Variants in UBE2N observed in about 807,000 individuals in gnomAD.
UBE2N encodes the protein ubiquitin-conjugating enzyme E2 N.
For synonymous variants in UBE2N, 70 were observed against 69.2 expected (o/e 1.01, Z -0.06); for missense variants, 60 against 192.1 (o/e 0.31, Z 4.07).
rs1245983395 is a variant in UBE2N, at chr12:93,409,090, T to TTA, written c.*947_*948dup. The TTA allele has an allele frequency of 2.6e-5, 4 of 152,614 alleles. No homozygotes were observed. Among genetic ancestry groups the TTA allele is most frequent in the African/African-American group, 9.7e-5 (4 of 41,438 alleles). The allele number at this position is 152,614 out of a possible 1,614,324, so 9.5% of individuals were successfully genotyped here. A position where few individuals can be genotyped will look rare whatever the true frequency, so the allele number is the denominator to read the frequency against. On this transcript the variant is annotated 3_prime_UTR_variant, in exon 4 of 4. Coordinates refer to ENST00000318066, the MANE Select transcript of UBE2N (RefSeq NM_003348.4). ...ATCTAATCAGACAACACAAACACAT[T>TTA]TATTTCAAATTCCTAGAAGGTTAAA...
rs1947862934 is a variant in UBE2N, at chr12:93,411,435, A to G, written c.31-136T>C. 6.3e-6 allele frequency: 8 copies of G among 1,274,066 alleles called. No homozygotes were observed. The Middle Eastern group carries it at 5.9e-4, about 93-fold the overall frequency. The allele number at this position is 1,274,066 out of a possible 1,614,324, so 78.9% of individuals were successfully genotyped here. ...TCTCCCAACAGATTTAGCTTATAAAATGCAAAATTCAAAAAAATACCATTT... is the reference window on the plus strand; with the variant it reads ...TCTCCCAACAGATTTAGCTTATAAAGTGCAAAATTCAAAAAAATACCATTT... On this transcript the variant is annotated intron_variant, in intron 1 of 3. Transcript: ENST00000318066.
intron 1 of UBE2N, among the ~76,000 whole-genome samples, chr12:93,434,417 G>C (rs2121096440): frequency 6.6e-6 from 1 of 152,324 alleles, no homozygotes; most frequent in African/African-American, 2.4e-5. Flanking sequence ...TAAAGTACTT[G>C]ATAATTTGAC....
At chr12:93,420,309 A>T (rs1878369356) in intron 1 of UBE2N, among the ~76,000 whole-genome samples, 1 of 152,116 alleles carries the variant, frequency 6.6e-6, no homozygotes, top group African/African-American at 2.4e-5. Context: ...TCTACATCCT[A>T]ATTTTTTCCC....
chr12:93,431,536 G>A (rs1437540099), intron 1 of UBE2N, among the ~76,000 whole-genome samples: 1 of 152,154 alleles, frequency 6.6e-6, no homozygotes, highest in Non-Finnish European at 1.5e-5. Flanking sequence ...TTAGAATTAA[G>A]TAAATTAATG....
intron 1 of UBE2N, among the ~76,000 whole-genome samples, chr12:93,412,839 T>C (rs1263494352): frequency 6.6e-6 from 1 of 152,238 alleles, no homozygotes; most frequent in East Asian, 1.9e-4. Flanking sequence ...CTTGGACCAG[T>C]ATAAGCATGC....
intron 1 of UBE2N, among the ~76,000 whole-genome samples, chr12:93,424,868 T>C (rs1878531904): frequency 6.6e-6 from 1 of 152,234 alleles, no homozygotes; most frequent in Non-Finnish European, 1.5e-5. Context: ...TGAGCATTCA[T>C]TGTGCTTTCA....
At chr12:93,410,937 T>A in intron 2 of UBE2N, 63 bp from the exon 3 acceptor site, 1 of 1,613,898 alleles carries the variant, frequency 6.2e-7, no homozygotes, top group Non-Finnish European at 8.5e-7. Context: ...ACTGCTTCAC[T>A]TCCCTCCCAC....
rs1032427139 is a variant in UBE2N, at chr12:93,406,726, A to C, written c.*3313T>G. 2.6e-5 allele frequency: 4 copies of C among 152,228 alleles called. No homozygotes were observed. The highest frequency in any genetic ancestry group is 9.6e-5 in the African/African-American group (4 of 41,462). 9.4% of individuals were successfully genotyped at this position (152,228 alleles called of 1,614,324 possible). On this transcript the variant is annotated 3_prime_UTR_variant, in exon 4 of 4. Transcript: ENST00000318066. ...AGGTATTATAAGTAATCTAAATATT[A>C]ACATAAGCGGGAGGATTTGTGTAGA...
intron 1 of UBE2N, among the ~76,000 whole-genome samples, chr12:93,437,023 G>A (rs1265020936): frequency 6.6e-6 from 1 of 152,172 alleles, no homozygotes; most frequent in East Asian, 1.9e-4. Context: ...AGCACTTTGG[G>A]AGGCCGAGGT....
intron 1 of UBE2N, among the ~76,000 whole-genome samples, chr12:93,414,045 C>A (rs952509410): frequency 6.6e-6 from 1 of 151,282 alleles, no homozygotes; most frequent in Non-Finnish European, 1.5e-5. Context: ...CCTGTAATCC[C>A]AGCTACTCGG....
chr12:93,433,748 T>C (rs1249737292), intron 1 of UBE2N, among the ~76,000 whole-genome samples: 1 of 152,250 alleles, frequency 6.6e-6, no homozygotes, highest in Non-Finnish European at 1.5e-5. Flanking sequence ...CTCATTTCCT[T>C]GTTTCTAGTA....
At chr12:93,439,938 T>C (rs1344534342) in intron 1 of UBE2N, among the ~76,000 whole-genome samples, 2 of 152,264 alleles carry the variant, frequency 1.3e-5, no homozygotes, top group Non-Finnish European at 2.9e-5. Context: ...TGTAAATTAC[T>C]GTGTGCCAAA....
chr12:93,424,675 C>T (rs886599841), intron 1 of UBE2N, among the ~76,000 whole-genome samples: 8 of 152,168 alleles, frequency 5.3e-5, no homozygotes, highest in Admixed American at 3.9e-4. Context: ...GCATAAATGG[C>T]GCCTCTTGAA....
At chr12:93,436,067 T>G (rs1426631532) in intron 1 of UBE2N, among the ~76,000 whole-genome samples, 2 of 152,134 alleles carry the variant, frequency 1.3e-5, no homozygotes, top group Non-Finnish European at 2.9e-5. Context: ...AGTTAACTAC[T>G]TTTTCCCAAG....
At chr12:93,427,966 A>G (rs1491003015) in intron 1 of UBE2N, among the ~76,000 whole-genome samples, 1 of 152,196 alleles carries the variant, frequency 6.6e-6, no homozygotes, top group Non-Finnish European at 1.5e-5. Flanking sequence ...CCCAGGCTAG[A>G]GTATAGTGAC....
rs866951735 is a variant in UBE2N at position 93,408,185 on chromosome 12, C to T, written c.*1854G>A. 3.9e-5 allele frequency: 6 copies of T among 152,244 alleles called. 1 individual carries two copies. In the Middle Eastern group the frequency reaches 0.02, roughly 518 times the overall value. The allele number at this position is 152,244 out of a possible 1,614,324, so 9.4% of individuals were successfully genotyped here. ...CATTTTTAAAGTGAGATTCAATTTC[C>T]TTAGCTATAGTCAAATGTACCCTTT... On this transcript the variant is annotated 3_prime_UTR_variant, in exon 4 of 4. Coordinates refer to ENST00000318066, the MANE Select transcript of UBE2N (RefSeq NM_003348.4).
chr12:93,429,649 T>C (rs1878699201), intron 1 of UBE2N, among the ~76,000 whole-genome samples: 1 of 151,766 alleles, frequency 6.6e-6, no homozygotes, highest in Non-Finnish European at 1.5e-5. Flanking sequence ...TCACAGGAGA[T>C]GACAGCTCCA....
At chr12:93,413,775 A>G (rs1303310318) in intron 1 of UBE2N, among the ~76,000 whole-genome samples, 1 of 152,094 alleles carries the variant, frequency 6.6e-6, no homozygotes, top group East Asian at 1.9e-4. Flanking sequence ...ATCAGCTCTG[A>G]CCTGGCATAC....
chr12:93,411,029 T>G (rs772862482), intron 2 of UBE2N, 24 bp downstream of exon 2: 11 of 1,613,882 alleles, frequency 6.8e-6, no homozygotes, highest in Admixed American at 3.3e-5. Context: ...AATAATAGCA[T>G]ATGCTGATAA....
Sources: allele counts gnomAD v4.1 joint callset (sites outside exome capture counted in the v4.1 genomes callset), GRCh38; gene constraint gnomAD v4.1.1; transcripts MANE v1.5; gene names NCBI Gene and HGNC (gene_info 2026-07-23, HGNC 2026-07-21).